KAZN: variants seen among roughly 807,000 people sequenced by gnomAD.
KAZN encodes the protein kazrin, periplakin interacting protein.
KAZN carries 40 observed loss-of-function variants against 87.4 expected under a neutral mutation model. The ratio of observed to expected loss-of-function variants is 0.46; its 90% confidence interval spans 0.36 to 0.60. The LOEUF (loss-of-function observed/expected upper bound fraction) is 0.60, where lower values mean the gene tolerates loss of function less well. Among genes scored for constraint, KAZN ranks in the 20% least tolerant of loss-of-function variants. The probability of loss-of-function intolerance (pLI) is 0.00; values close to 1 mark genes in which losing one functional copy is unlikely to be tolerated. For missense variants in KAZN, 898 were observed against 1,073.9 expected, an observed-to-expected ratio of 0.84 and a Z score of 2.29; for synonymous variants, 466 against 458.3, an observed-to-expected ratio of 1.02 and a Z score of -0.22.
intron 2 of KAZN, among the ~76,000 whole-genome samples, chr1:14,285,187 T>C (rs1244769280): frequency 6.6e-6 from 1 of 152,216 alleles, no homozygotes; most frequent in Non-Finnish European, 1.5e-5. Flanking sequence ...GTTTAGAGGA[T>C]TGTTGGGAGA....
chr1:14,447,494 C>G (rs1230064950), intron 2 of KAZN, among the ~76,000 whole-genome samples: 1 of 152,116 alleles, frequency 6.6e-6, no homozygotes, highest in Non-Finnish European at 1.5e-5. Flanking sequence ...CCGCCTTGGC[C>G]TCCCAAAGTG....
chr1:14,869,323 G>C (rs1651889471), intron 1 of KAZN, among the ~76,000 whole-genome samples: 1 of 152,092 alleles, frequency 6.6e-6, no homozygotes, highest in African/African-American at 2.4e-5. Context: ...CCCTGTGTGA[G>C]CACAATTCAG....
chr1:14,225,580 TA>T (rs1647236511), intron 2 of KAZN, among the ~76,000 whole-genome samples: 2 of 152,156 alleles, frequency 1.3e-5, no homozygotes, highest in African/African-American at 4.8e-5. Context: ...AAAGCAAGCC[TA>T]AGCAAAAAGA....
At chr1:14,063,418 AT>A (rs1642873372) in intron 1 of KAZN, among the ~76,000 whole-genome samples, 1 of 152,158 alleles carries the variant, frequency 6.6e-6, no homozygotes, top group African/African-American at 2.4e-5. Flanking sequence ...CATACTCTCC[AT>A]TTATTCAAAA....
intron 1 of KAZN, among the ~76,000 whole-genome samples, chr1:14,093,844 C>T (rs902339537): frequency 5.9e-5 from 9 of 151,966 alleles, no homozygotes; most frequent in South Asian, 2.1e-4. Flanking sequence ...GGTAGAAATG[C>T]GATTGGACAA....
chr1:14,257,924 C>T (rs1485483451), intron 2 of KAZN, among the ~76,000 whole-genome samples: 2 of 106,844 alleles, frequency 1.9e-5, no homozygotes, highest in Non-Finnish European at 3.6e-5. Context: ...GCACATGTAC[C>T]CTAAAACTTA....
At chr1:14,789,228 C>T (rs1645600080) in intron 1 of KAZN, among the ~76,000 whole-genome samples, 2 of 152,172 alleles carry the variant, frequency 1.3e-5, no homozygotes, top group African/African-American at 4.8e-5. Context: ...GGGAGGGCTT[C>T]CCAAGGCAAA....
intron 1 of KAZN, among the ~76,000 whole-genome samples, chr1:14,099,502 C>T (rs59221676): frequency 0.078 from 11,901 of 152,128 alleles, 1,493 homozygotes; most frequent in African/African-American, 0.26. Context: ...AATTTATAGA[C>T]GAAAGCCTGC....
chr1:14,009,347 T>A (rs965268329), intron 1 of KAZN, among the ~76,000 whole-genome samples: 28 of 152,146 alleles, frequency 1.8e-4, no homozygotes, highest in Admixed American at 9.8e-4. Context: ...CTAGGTCATA[T>A]GGTAATTCTA....
At chr1:14,770,100 T>C (rs1322351916) in intron 1 of KAZN, among the ~76,000 whole-genome samples, 2 of 151,626 alleles carry the variant, frequency 1.3e-5, no homozygotes, top group Non-Finnish European at 2.9e-5. Context: ...AAAGAGTGGA[T>C]GGGTCAAGCT....
intron 2 of KAZN, among the ~76,000 whole-genome samples, chr1:14,541,668 A>G (rs1211058682): frequency 6.6e-6 from 1 of 152,214 alleles, no homozygotes; most frequent in Non-Finnish European, 1.5e-5. Flanking sequence ...TCTGGGGCAA[A>G]GCTTCGTTGC....
In KAZN at chr1:14,481,762, G is replaced by T. The variant is rs1669098262; in HGVS notation, c.250-117221G>T. Among the ~76,000 whole-genome samples the T allele has an allele frequency of 2.0e-5, 3 of 152,192 alleles. No homozygotes were observed. In the South Asian group the frequency reaches 6.2e-4, roughly 32 times the overall value. On this transcript the variant is annotated intron_variant, in intron 2 of 16. Transcript: ENST00000636203. Reference sequence around the variant, plus strand: ...GAAACCGAGAGAGAGATTGTGGAGAGGTGGAAGTGGCATGCTTAAAAGCGT... The same window carrying T: ...GAAACCGAGAGAGAGATTGTGGAGATGTGGAAGTGGCATGCTTAAAAGCGT...
intron 1 of KAZN, among the ~76,000 whole-genome samples, chr1:14,013,572 T>C (rs1640421757): frequency 6.6e-6 from 1 of 152,168 alleles, no homozygotes; most frequent in Non-Finnish European, 1.5e-5. Flanking sequence ...AATCATGGGA[T>C]TCGTGCTGTA....
At chr1:14,838,910 C>T (rs1393490087) in intron 1 of KAZN, among the ~76,000 whole-genome samples, 1 of 152,196 alleles carries the variant, frequency 6.6e-6, no homozygotes, top group African/African-American at 2.4e-5. Flanking sequence ...GTGTGAGCCA[C>T]CGCACCTGGC....
At chr1:14,382,908 T>C (rs1661502240) in intron 2 of KAZN, among the ~76,000 whole-genome samples, 1 of 151,942 alleles carries the variant, frequency 6.6e-6, no homozygotes, top group Non-Finnish European at 1.5e-5. Context: ...ACTTCCACAA[T>C]GGTTGAACTA....
intron 1 of KAZN, among the ~76,000 whole-genome samples, chr1:14,787,308 C>T (rs3765396): frequency 0.67 from 101,836 of 151,826 alleles, 34,615 homozygotes; most frequent in South Asian, 0.78. Context: ...TTTCTCGTTA[C>T]TCCCATGTTA....
At chr1:14,408,455 A>G (rs1167750218) in intron 2 of KAZN, among the ~76,000 whole-genome samples, 1 of 152,214 alleles carries the variant, frequency 6.6e-6, no homozygotes. Flanking sequence ...AACTAAAGCC[A>G]CAGGCTGGGT....
intron 8 of KAZN, among the ~76,000 whole-genome samples, chr1:15,088,377 G>C (rs1026727589): frequency 6.6e-6 from 1 of 152,072 alleles, no homozygotes; most frequent in South Asian, 2.1e-4. Flanking sequence ...TTCTGTGGGT[G>C]GGGGGGTGTG....
At chr1:14,904,188 A>G (rs990326849) in intron 1 of KAZN, among the ~76,000 whole-genome samples, 2 of 151,110 alleles carry the variant, frequency 1.3e-5, no homozygotes, top group African/African-American at 4.9e-5. Context: ...ACGTGCCTCA[A>G]TTTTCCTTAT....
Sources: gnomAD v4.1 joint callset for allele counts (sites outside exome capture counted in the v4.1 genomes callset) on GRCh38, gnomAD v4.1.1 for gene constraint, MANE v1.5 for transcripts, NCBI Gene and HGNC (gene_info 2026-07-23, HGNC 2026-07-21) for gene names.